The following DOCK2 variants were observed in gnomAD, a reference collection of about 807,000 sequenced individuals.
DOCK2 encodes dedicator of cytokinesis 2.
In DOCK2, 87 loss-of-function variants were observed where a neutral mutation model predicts 248.9. That is an observed-to-expected ratio of 0.35 (90% confidence interval 0.29 to 0.42). The LOEUF (loss-of-function observed/expected upper bound fraction) is 0.42. DOCK2 is among the 10% of genes least tolerant of loss of function. The pLI, the probability that DOCK2 is intolerant of heterozygous loss-of-function variation, is 1.00. For synonymous variants in DOCK2, 805 were observed against 821.6 expected, an observed-to-expected ratio of 0.98 and a Z score of 0.35; for missense variants, 1,747 against 2,300.2, an observed-to-expected ratio of 0.76 and a Z score of 4.92.
At chr5:170,027,779 AG>A (rs1159147076) in intron 33 of DOCK2, 83 bp from the exon 34 acceptor site, 17 of 1,324,488 alleles carry the variant, frequency 1.3e-5, no homozygotes, top group Non-Finnish European at 1.4e-5. Flanking sequence ...TGCTCCCTAA[AG>A]CTTTGGTTGA....
chr5:170,019,852 C>T (rs1036343479), intron 33 of DOCK2, among the ~76,000 whole-genome samples: 2 of 151,986 alleles, frequency 1.3e-5, no homozygotes, highest in Non-Finnish European at 2.9e-5. Flanking sequence ...CTGAGCCGTT[C>T]CCTCAGGCCT....
At chr5:169,861,202 T>C (rs1021749966) in intron 27 of DOCK2, among the ~76,000 whole-genome samples, 1 of 152,216 alleles carries the variant, frequency 6.6e-6, no homozygotes, top group Non-Finnish European at 1.5e-5. Context: ...ATAGAAGCAA[T>C]TATAATGAAA....
At chr5:169,715,989 C>T (rs998021032) in intron 19 of DOCK2, among the ~76,000 whole-genome samples, 14 of 152,190 alleles carry the variant, frequency 9.2e-5, no homozygotes, top group African/African-American at 1.4e-4. Context: ...GTAGTATTCT[C>T]TAGTGTGAAC....
chr5:169,918,468 AG>A (rs1774996113), intron 27 of DOCK2, among the ~76,000 whole-genome samples: 1 of 152,234 alleles, frequency 6.6e-6, no homozygotes, highest in African/African-American at 2.4e-5. Flanking sequence ...AATGAACTAC[AG>A]AATATTCATG....
intron 27 of DOCK2, among the ~76,000 whole-genome samples, chr5:169,867,687 C>A (rs963155607): frequency 1.3e-5 from 2 of 151,986 alleles, no homozygotes; most frequent in Non-Finnish European, 2.9e-5. Context: ...ATTGATCCCC[C>A]CACACACATA....
intron 25 of DOCK2, among the ~76,000 whole-genome samples, chr5:169,785,812 C>T (rs995719720): frequency 6.6e-6 from 1 of 152,076 alleles, no homozygotes; most frequent in African/African-American, 2.4e-5. Flanking sequence ...TTCTGCTGGC[C>T]ATTAGTGTTT....
At chr5:169,829,514 G>A (rs939964753) in intron 26 of DOCK2, among the ~76,000 whole-genome samples, 2 of 152,186 alleles carry the variant, frequency 1.3e-5, no homozygotes, top group South Asian at 2.1e-4. Context: ...TACCTGAGAC[G>A]ATTGCTGCAG....
rs147731530 is a variant in DOCK2 at position 170,031,520 on chromosome 5, T to C, written c.3468-2879T>C. 1.1e-3 allele frequency among the ~76,000 whole-genome samples: 169 copies of C among 152,364 alleles called. 1 individual carries two copies. Among genetic ancestry groups the C allele is most frequent in the African/African-American group, 3.9e-3 (164 of 41,594 alleles). On this transcript the variant is annotated intron_variant, in intron 34 of 51. Coordinates refer to ENST00000520908, the MANE Select transcript of DOCK2 (RefSeq NM_004946.3). Reference sequence around the variant, plus strand: ...CTTATGATTCCCAAAGCTTTTGTCATACTCTGTTGTGGGATTACAAGGTAA... The same window carrying C: ...CTTATGATTCCCAAAGCTTTTGTCACACTCTGTTGTGGGATTACAAGGTAA...
rs111650387 is a variant in DOCK2, at chr5:169,799,350, A to G, written c.2555-3708A>G. 1.5e-3 allele frequency among the ~76,000 whole-genome samples: 222 copies of G among 152,340 alleles called. 2 individuals carry two copies. The highest frequency in any genetic ancestry group is 1.9e-3 in the Non-Finnish European group (131 of 68,030). On this transcript the variant is annotated intron_variant, in intron 25 of 51. Transcript: ENST00000520908. The stretch of plus-strand genomic sequence containing the variant: ...CTGGTTGGGCTTAATTATCACATCA[A>G]TGAAGGCATAATTGGGAAGCTAAGT...
chr5:169,797,567 A>G (rs761990459), intron 25 of DOCK2, among the ~76,000 whole-genome samples: 1 of 152,214 alleles, frequency 6.6e-6, no homozygotes. Context: ...AGTCACTTGG[A>G]CAAAGAAAAC....
chr5:170,046,009 A>G, intron 39 of DOCK2, 104 bp downstream of exon 39: 1 of 1,057,116 alleles, frequency 9.5e-7, no homozygotes, highest in Non-Finnish European at 1.5e-6. Context: ...AGGCGGGGTT[A>G]GGGAAATAGA....
In DOCK2 at chr5:169,711,803, A is replaced by G. The variant is rs114549975; in HGVS notation, c.1483-132A>G. ...AATTTATTTACAGTTCATCAGCCTC[A>G]ATGGATGGGTTGTAAATCAGCAGGC... On this transcript the variant is annotated intron_variant, in intron 15 of 51. Coordinates refer to ENST00000520908, the MANE Select transcript of DOCK2 (RefSeq NM_004946.3). 2,721 of 840,172 alleles carry G rather than the reference A, an allele frequency of 3.2e-3. 44 individuals are homozygous for G. The African/African-American group carries it at 0.041, about 13-fold the overall frequency. The allele number at this position is 840,172 out of a possible 1,614,324, so 52.0% of individuals were successfully genotyped here.
intron 14 of DOCK2, among the ~76,000 whole-genome samples, chr5:169,707,120 C>A (rs1430222373): frequency 6.6e-6 from 1 of 152,214 alleles, no homozygotes; most frequent in Non-Finnish European, 1.5e-5. Flanking sequence ...ATATAAAAAC[C>A]ACACTTCGGG....
At chr5:169,712,678 A>G (rs78775998) in intron 17 of DOCK2, among the ~76,000 whole-genome samples, 2,582 of 152,114 alleles carry the variant, frequency 0.017, 75 homozygotes, top group African/African-American at 0.06. Flanking sequence ...CATCTCACAT[A>G]TTTTCCTGAG....
At chr5:169,880,150 C>T (rs908983332) in intron 27 of DOCK2, among the ~76,000 whole-genome samples, 2 of 152,132 alleles carry the variant, frequency 1.3e-5, no homozygotes, top group African/African-American at 4.8e-5. Flanking sequence ...TCTTCCGGGG[C>T]CCTCTTTTTT....
intron 27 of DOCK2, among the ~76,000 whole-genome samples, chr5:169,845,736 A>C (rs1561758143): frequency 6.6e-6 from 1 of 152,318 alleles, no homozygotes; most frequent in East Asian, 1.9e-4. Context: ...CTGTGTCATT[A>C]GTCTCAATGA....
At chr5:169,771,475 G>C (rs1765082059) in intron 25 of DOCK2, among the ~76,000 whole-genome samples, 1 of 152,080 alleles carries the variant, frequency 6.6e-6, no homozygotes, top group African/African-American at 2.4e-5. Context: ...GTAGAGACAG[G>C]TTTCACCGTG....
chr5:169,722,310 T>G (rs113909739), intron 22 of DOCK2, among the ~76,000 whole-genome samples: 2,449 of 152,302 alleles, frequency 0.016, 59 homozygotes, highest in African/African-American at 0.056. Context: ...TTCCATGTGA[T>G]GGACACTAAG....
intron 27 of DOCK2, among the ~76,000 whole-genome samples, chr5:169,843,477 G>A (rs963888985): frequency 1.3e-5 from 2 of 152,166 alleles, no homozygotes; most frequent in Admixed American, 6.5e-5. Context: ...AACCAAGATC[G>A]CGCCACTGCA....
Sources: allele counts gnomAD v4.1 joint callset (sites outside exome capture counted in the v4.1 genomes callset), GRCh38; gene constraint gnomAD v4.1.1; transcripts MANE v1.5; gene names NCBI Gene and HGNC (gene_info 2026-07-23, HGNC 2026-07-21).